Variants in MACF1 observed in about 807,000 individuals in gnomAD.
MACF1 encodes the protein microtubule-actin cross-linking factor 1.
A neutral mutation model predicts 854.8 loss-of-function variants in MACF1; 193 were observed. The ratio of observed to expected loss-of-function variants is 0.23; its 90% CI spans 0.20 to 0.25. MACF1 has a LOEUF of 0.25. Among genes scored for constraint, MACF1 ranks in the 10% least tolerant of loss-of-function variants. The pLI is 1.00. For missense variants in MACF1, 7,722 were observed against 8,929.1 expected, an observed-to-expected ratio of 0.86 and a Z score of 5.45; for synonymous variants, 3,185 against 3,226.7, an observed-to-expected ratio of 0.99 and a Z score of 0.44.
chr1:39,167,318 G>A (rs922400252), intron 2 of MACF1, among the ~76,000 whole-genome samples: 1 of 151,292 alleles, frequency 6.6e-6, no homozygotes, highest in Non-Finnish European at 1.5e-5. Context: ...GCTCATGGCT[G>A]TAATCCAGCA....
At chr1:39,413,043 G>A in intron 58 of MACF1, 1 of 1,591,102 alleles carries the variant, frequency 6.3e-7, no homozygotes, top group South Asian at 1.1e-5. Context: ...TTGCTGCAGT[G>A]TCCTCCCCAG....
At chr1:39,220,551 C>T (rs1644639319) in intron 1 of MACF1, among the ~76,000 whole-genome samples, 1 of 148,134 alleles carries the variant, frequency 6.8e-6, no homozygotes, top group African/African-American at 2.5e-5. Context: ...GGCGCAATCT[C>T]AGCTCACTGC....
intron 2 of MACF1, among the ~76,000 whole-genome samples, chr1:39,184,483 A>G: frequency 6.6e-6 from 1 of 152,142 alleles, no homozygotes; most frequent in Non-Finnish European, 1.5e-5. Flanking sequence ...GTATTTTGGC[A>G]AGAGCTAGAT....
chr1:39,228,225 C>T (rs753111224), intron 1 of MACF1, among the ~76,000 whole-genome samples: 1 of 152,040 alleles, frequency 6.6e-6, no homozygotes, highest in Non-Finnish European at 1.5e-5. Context: ...GCAGGAGAAT[C>T]GCTGGAACCC....
rs1641847256 is a variant in MACF1, at chr1:39,387,384, G to A, written c.14542G>A (p.Gly4848Ser). 1.2e-6 allele frequency: 2 copies of A among 1,614,178 alleles called. No individual in the cohort carries two copies. Among genetic ancestry groups the A allele is most frequent in the Admixed American group, 1.7e-5 (1 of 60,012 alleles). ...TCAGAAAAGTCTTAATCAACACAGT[G>A]GCTCCTATGAGGTGATTGTGGCTGA... ...EFQKSLNQHSGSYEVIVAEGE... is the reference protein window; with the variant it reads ...EFQKSLNQHSSSYEVIVAEGE... Residue 4848 changes from glycine to serine, a missense_variant, in exon 58 of 101, where the codon GGC (glycine) becomes AGC (serine). Transcript: ENST00000564288.
chr1:39,257,907 T>C (rs558427968), intron 5 of MACF1, 29 bp from the exon 6 acceptor site: 9 of 1,531,952 alleles, frequency 5.9e-6, no homozygotes, highest in African/African-American at 1.4e-5. Context: ...GTCCTAGAGC[T>C]CTGAGCCGTG....
intron 1 of MACF1, among the ~76,000 whole-genome samples, chr1:39,226,616 G>A (rs1361914953): frequency 6.6e-6 from 1 of 152,112 alleles, no homozygotes; most frequent in Non-Finnish European, 1.5e-5. Flanking sequence ...TGGGATTACA[G>A]GTGTGAGCCA....
Position 39,340,485 on chromosome 1 carries a change from C to G in MACF1, c.10216-17C>G, listed in dbSNP as rs1646913525. ...TCTAGTCTTGCTTTTATAGGTAACT[C>G]CACTTTATTCCCTCAGGTATTAGAA... On this transcript the variant is annotated splice_polypyrimidine_tract_variant and intron_variant, in intron 38 of 100. Transcript: ENST00000564288. The G allele has an allele frequency of 1.9e-6, 3 of 1,591,598 alleles. No homozygotes were observed.
intron 58 of MACF1, among the ~76,000 whole-genome samples, chr1:39,403,903 C>T (rs1161373048): frequency 6.6e-6 from 1 of 151,948 alleles, no homozygotes; most frequent in Non-Finnish European, 1.5e-5. Flanking sequence ...CCGAGGCGGG[C>T]AGATCACCTG....
chr1:39,448,316 C>A (rs527324597), intron 83 of MACF1, among the ~76,000 whole-genome samples, 164 bp downstream of exon 83: 12 of 152,292 alleles, frequency 7.9e-5, no homozygotes, highest in African/African-American at 2.9e-4. Context: ...ATGGTCTAAT[C>A]ATGATATTTG....
chr1:39,172,912 A>G (rs1170398789), intron 2 of MACF1, among the ~76,000 whole-genome samples: 1 of 152,242 alleles, frequency 6.6e-6, no homozygotes, highest in Non-Finnish European at 1.5e-5. Flanking sequence ...TCTGGCAGAC[A>G]GCCCTCCTCC....
chr1:39,429,454 A>G lies in MACF1; in HGVS notation c.16888+128A>G, dbSNP rs557509823. 33 of 632,190 alleles carry G rather than the reference A, an allele frequency of 5.2e-5. No individual in the cohort carries two copies. The African/African-American group carries it at 6.1e-4, about 12-fold the overall frequency. 39.2% of individuals were successfully genotyped at this position (632,190 alleles called of 1,614,324 possible). A position where few individuals can be genotyped will look rare whatever the true frequency, so the allele number is the denominator to read the frequency against. On this transcript the variant is annotated intron_variant, in intron 64 of 100. Coordinates refer to ENST00000564288, the MANE Select transcript of MACF1 (RefSeq NM_001394062.1). ...GAGAAGCTTAGTATTCACTGATTGT[A>G]TTCCCTACTGTGCTCCAGAAGGTTG... is the stretch of plus-strand genomic sequence containing the variant.
chr1:39,168,720 G>A (rs1363600599), intron 2 of MACF1, among the ~76,000 whole-genome samples: 4 of 152,116 alleles, frequency 2.6e-5, no homozygotes, highest in African/African-American at 9.7e-5. Context: ...TCTGTAAAAT[G>A]GGGATAATAA....
chr1:39,141,922 C>G (rs1201293523), intron 2 of MACF1, among the ~76,000 whole-genome samples: 1 of 152,114 alleles, frequency 6.6e-6, no homozygotes, highest in Non-Finnish European at 1.5e-5. Flanking sequence ...GTATTATTAC[C>G]TGAGAACTTG....
intron 49 of MACF1, among the ~76,000 whole-genome samples, chr1:39,362,785 G>A (rs1468970965): frequency 3.3e-5 from 5 of 152,122 alleles, no homozygotes; most frequent in Admixed American, 3.3e-4. Context: ...CTACTGGAGT[G>A]TCACTACTTT....
intron 58 of MACF1, chr1:39,414,211 C>G: frequency 6.2e-7 from 1 of 1,613,832 alleles, no homozygotes; most frequent in Non-Finnish European, 8.5e-7. Flanking sequence ...AGTGCCCACC[C>G]CAGAGGTGCC....
intron 6 of MACF1, among the ~76,000 whole-genome samples, chr1:39,263,899 G>A (rs933179097): frequency 1.5e-4 from 23 of 148,656 alleles, no homozygotes; most frequent in African/African-American, 5.6e-4. Context: ...TCAGCCTCCC[G>A]AGTAGCTGGG....
chr1:39,480,045 A>G (rs1310486970), intron 98 of MACF1, 36 bp downstream of exon 98: 69 of 1,328,270 alleles, frequency 5.2e-5, no homozygotes, highest in South Asian at 1.4e-4. Flanking sequence ...TTCTTCCCCA[A>G]TCCCACCCTC....
At position 39,283,471 on chromosome 1, in the gene MACF1, G is replaced by A; in HGVS notation, c.871G>A (p.Ala291Thr). 6.2e-7 allele frequency: 1 copy of A among 1,612,746 alleles called. No homozygotes were observed. Among genetic ancestry groups the A allele is most frequent in the Non-Finnish European group, 8.5e-7 (1 of 1,178,710 alleles). ...CACTTATGTGTCTTCGATTTATGAT[G>A]CCTTCCCTAAAGTTCCTGAGGGTGG... is the stretch of plus-strand genomic sequence containing the variant. ...VITYVSSIYD[A>T]FPKVPEGGEG... Residue 291 changes from alanine to threonine, a missense_variant, in exon 9 of 101, where the codon GCC becomes ACC. By Grantham distance (58) the Ala-to-Thr change is moderately conservative. Transcript: ENST00000564288. This position sits in a 1 kb window ranked among gnomAD's most constrained non-coding sequence, Gnocchi z 4.5.
Sources: gnomAD v4.1 joint callset for allele counts (sites outside exome capture counted in the v4.1 genomes callset) on GRCh38, gnomAD v4.1.1 for gene constraint, Gnocchi (gnomAD v3.1) non-coding constraint, MANE v1.5 for transcripts, NCBI Gene and HGNC (gene_info 2026-07-23, HGNC 2026-07-21) for gene names.